The following TYW1 variants were observed in gnomAD, a reference collection of about 807,000 sequenced individuals.
The protein encoded by TYW1 is tRNA-yW synthesizing protein 1 homolog.
In TYW1, 46 loss-of-function variants were observed where a neutral mutation model predicts 96.2. That is an observed-to-expected ratio of 0.48 (90% CI 0.38 to 0.61). The LOEUF is 0.61. Ranked by LOEUF, TYW1 falls within the 20% of genes least tolerant of loss-of-function variation. The probability of loss-of-function intolerance (pLI) is 0.00; values close to 1 mark genes in which losing one functional copy is unlikely to be tolerated. For synonymous variants in TYW1, 274 were observed against 323.0 expected (o/e 0.85, Z 1.63); for missense variants, 684 against 909.6 (o/e 0.75, Z 3.19).
chr7:67,096,351 C>T (rs1028308371), intron 11 of TYW1, among the ~76,000 whole-genome samples: 2 of 152,156 alleles, frequency 1.3e-5, no homozygotes, highest in Non-Finnish European at 2.9e-5. Context: ...TTTGCCACTG[C>T]AATCCAGCCT....
intron 15 of TYW1, among the ~76,000 whole-genome samples, chr7:67,219,841 G>C (rs1002506035): frequency 4.0e-5 from 5 of 126,246 alleles, no homozygotes; most frequent in African/African-American, 9.8e-5. Context: ...TTTGGGTTTT[G>C]TGGGTTTTTT....
Position 67,239,447 on chromosome 7 carries a change from A to AAGTT in TYW1, c.*921_*924dup, listed in dbSNP as rs1482355455. Reference sequence around the variant, plus strand: ...ATCATAAATACTCAAAATTGTTTTCAAGTTAGCAAGTTCTTTTAACAGTCT... The same window carrying AAGTT: ...ATCATAAATACTCAAAATTGTTTTCAAGTTAGTTAGCAAGTTCTTTTAACAGTCT... On this transcript the variant is annotated 3_prime_UTR_variant, in exon 16 of 16. Coordinates refer to ENST00000359626, the MANE Select transcript of TYW1 (RefSeq NM_018264.4). The AAGTT allele has an allele frequency of 3.1e-6, 3 of 964,262 alleles. No homozygotes were observed. In the African/African-American group the frequency reaches 5.3e-5, roughly 17 times the overall value. The allele number at this position is 964,262 out of a possible 1,614,324, so 59.7% of individuals were successfully genotyped here. A position where few individuals can be genotyped will look rare whatever the true frequency, so the allele number is the denominator to read the frequency against.
At chr7:67,115,335 A>C (rs1797562279) in intron 12 of TYW1, among the ~76,000 whole-genome samples, 1 of 151,832 alleles carries the variant, frequency 6.6e-6, no homozygotes, top group Non-Finnish European at 1.5e-5. Context: ...ATGAGACAGA[A>C]TGCTGTTATT....
chr7:66,998,464 T>C (rs536126528), intron 2 of TYW1, among the ~76,000 whole-genome samples: 106 of 152,326 alleles, frequency 7.0e-4, no homozygotes, highest in African/African-American at 2.3e-3. Flanking sequence ...AAAACAAATT[T>C]GTTTTATACC....
At chr7:67,033,073 T>C (rs1285324916) in intron 7 of TYW1, among the ~76,000 whole-genome samples, 1 of 151,596 alleles carries the variant, frequency 6.6e-6, no homozygotes, top group Non-Finnish European at 1.5e-5. Context: ...ATTTTTGTAA[T>C]TTTAGTAGAG....
chr7:67,133,008 T>C (rs1483781139), intron 13 of TYW1, among the ~76,000 whole-genome samples: 3 of 152,194 alleles, frequency 2.0e-5, no homozygotes, highest in African/African-American at 7.2e-5. Context: ...ATAGGATATG[T>C]ACATCTTAAA....
intron 9 of TYW1, among the ~76,000 whole-genome samples, chr7:67,064,292 A>C (rs1795792565): frequency 2.6e-5 from 4 of 152,234 alleles, no homozygotes; most frequent in Admixed American, 1.3e-4. Context: ...CTGATCTTGT[A>C]GCTTACTATA....
At chr7:67,048,370 G>C (rs899987502) in intron 7 of TYW1, among the ~76,000 whole-genome samples, 2 of 150,716 alleles carry the variant, frequency 1.3e-5, no homozygotes, top group Non-Finnish European at 1.5e-5. Context: ...GTGGGCTGGG[G>C]CTTGGTGGTA....
chr7:67,179,418 C>G lies in TYW1; in HGVS notation c.1699-3708C>G, dbSNP rs1006563020. ...TGACCAGAAAACAAGTCCTGCCAGT[C>G]TCCCACCTCACTACTGCTTGGGTTC... On this transcript the variant is annotated intron_variant, in intron 13 of 15. Coordinates refer to ENST00000359626, the MANE Select transcript of TYW1 (RefSeq NM_018264.4). 6.6e-5 allele frequency among the ~76,000 whole-genome samples: 9 copies of G among 135,928 alleles called. 2 individuals are homozygous for G. The highest frequency in any genetic ancestry group is 2.7e-4 in the African/African-American group (9 of 33,454). The allele number at this position is 135,928 out of a possible 152,430, so 89.2% of individuals were successfully genotyped here.
chr7:67,014,613 A>G, intron 5 of TYW1, 52 bp downstream of exon 5: 1 of 1,555,266 alleles, frequency 6.4e-7, no homozygotes, highest in Non-Finnish European at 8.7e-7. Context: ...ACACACACAC[A>G]CGCACACACA....
intron 4 of TYW1, among the ~76,000 whole-genome samples, chr7:67,013,380 C>T (rs1298441894): frequency 6.6e-6 from 1 of 152,140 alleles, no homozygotes; most frequent in Non-Finnish European, 1.5e-5. Flanking sequence ...GCCTCAACCT[C>T]CCAAAGTCCT....
chr7:67,004,045 AAAAAAAC>A (rs761568814), intron 3 of TYW1, among the ~76,000 whole-genome samples: 39 of 150,806 alleles, frequency 2.6e-4, no homozygotes, highest in South Asian at 8.3e-4. Flanking sequence ...CCTTGTCTCA[AAAAAAAC>A]AAAAAACAAA....
chr7:67,015,640 T>C (rs1185981044), intron 5 of TYW1, among the ~76,000 whole-genome samples: 1 of 152,188 alleles, frequency 6.6e-6, no homozygotes. Flanking sequence ...GGCATGAACG[T>C]GTCCAGCCTG....
chr7:67,037,919 A>G, intron 7 of TYW1, among the ~76,000 whole-genome samples: 1 of 152,226 alleles, frequency 6.6e-6, no homozygotes, highest in East Asian at 1.9e-4. Flanking sequence ...CTTACTTCCT[A>G]ATACATGTCA....
At chr7:67,145,211 T>C (rs1798572717) in intron 13 of TYW1, among the ~76,000 whole-genome samples, 1 of 145,216 alleles carries the variant, frequency 6.9e-6, no homozygotes, top group African/African-American at 2.6e-5. Flanking sequence ...TGCAGTGGCA[T>C]GATCTTGGCT....
chr7:67,151,164 C>G (rs1039801522), intron 13 of TYW1, among the ~76,000 whole-genome samples: 4 of 152,076 alleles, frequency 2.6e-5, no homozygotes, highest in Admixed American at 2.6e-4. Flanking sequence ...GATTCTCCTG[C>G]CTCAGCCTCC....
At chr7:67,232,708 A>G (rs1801783553) in intron 15 of TYW1, among the ~76,000 whole-genome samples, 1 of 118,554 alleles carries the variant, frequency 8.4e-6, no homozygotes, top group Admixed American at 8.7e-5. Flanking sequence ...CATTTTCTGC[A>G]GCTTGCAATG....
At chr7:67,057,918 A>G (rs1302712396) in intron 9 of TYW1, among the ~76,000 whole-genome samples, 1 of 152,030 alleles carries the variant, frequency 6.6e-6, no homozygotes, top group Middle Eastern at 3.4e-3. Context: ...TTTTTCTTTT[A>G]TGGTTAGTGT....
At position 67,001,514 on chromosome 7, in the gene TYW1, C is replaced by T. The variant is rs1365403179; in HGVS notation, c.273+2560C>T. Among the ~76,000 whole-genome samples, 26 of 151,632 alleles carry T rather than the reference C, an allele frequency of 1.7e-4. 1 individual carries two copies. The highest frequency in any genetic ancestry group is 8.3e-4 in the South Asian group (4 of 4,804). On this transcript the variant is annotated intron_variant, in intron 3 of 15. Coordinates refer to ENST00000359626, the MANE Select transcript of TYW1 (RefSeq NM_018264.4). ...TCGGCTCACTGCAACCTCTGCTTCCCGGGTTCAAGCGATTCTTCTGCCTCA... is the reference window on the plus strand; with the variant it reads ...TCGGCTCACTGCAACCTCTGCTTCCTGGGTTCAAGCGATTCTTCTGCCTCA...
Sources: allele counts gnomAD v4.1 joint callset (sites outside exome capture counted in the v4.1 genomes callset), GRCh38; gene constraint gnomAD v4.1.1; transcripts MANE v1.5; gene names NCBI Gene and HGNC (gene_info 2026-07-23, HGNC 2026-07-21).